MAN1A1: variants seen among roughly 807,000 people sequenced by gnomAD.
MAN1A1 encodes mannosyl-oligosaccharide 1,2-alpha-mannosidase IA.
A neutral mutation model predicts 70.8 loss-of-function variants in MAN1A1; 29 were observed. That is an observed-to-expected ratio of 0.41 (90% CI 0.31 to 0.56). The LOEUF (loss-of-function observed/expected upper bound fraction) is 0.56. Ranked by LOEUF, MAN1A1 falls within the 20% of genes least tolerant of loss-of-function variation. The probability of loss-of-function intolerance (pLI) is 0.29; values close to 1 mark genes in which losing one functional copy is unlikely to be tolerated. For synonymous variants in MAN1A1, 349 were observed against 330.1 expected, an observed-to-expected ratio of 1.06 and a Z score of -0.62; for missense variants, 747 against 841.3, an observed-to-expected ratio of 0.89 and a Z score of 1.39.
intron 8 of MAN1A1, among the ~76,000 whole-genome samples, chr6:119,195,216 T>C (rs1329148668): frequency 1.3e-5 from 2 of 152,194 alleles, no homozygotes; most frequent in East Asian, 3.8e-4. Flanking sequence ...GAGATCACCC[T>C]TTACTCGAAG....
chr6:119,343,971 A>G (rs990481942), intron 2 of MAN1A1, among the ~76,000 whole-genome samples: 3 of 152,222 alleles, frequency 2.0e-5, no homozygotes, highest in Non-Finnish European at 2.9e-5. Flanking sequence ...CACATGCTTA[A>G]AATTCTCTTC....
intron 8 of MAN1A1, among the ~76,000 whole-genome samples, 169 bp from the exon 9 acceptor site, chr6:119,194,061 TG>T (rs1459409490): frequency 2.6e-5 from 4 of 152,348 alleles, no homozygotes; most frequent in African/African-American, 9.6e-5. Flanking sequence ...AATGAGCAGA[TG>T]GGCTATTAAC....
intron 7 of MAN1A1, 98 bp downstream of exon 7, chr6:119,204,661 T>C: frequency 2.1e-6 from 3 of 1,440,428 alleles, no homozygotes; most frequent in Non-Finnish European, 1.9e-6. Context: ...ACAAATTTGG[T>C]TATTATTTCC....
intron 6 of MAN1A1, among the ~76,000 whole-genome samples, chr6:119,214,747 C>G (rs567883446): frequency 2.0e-5 from 3 of 152,244 alleles, no homozygotes; most frequent in African/African-American, 7.2e-5. Context: ...CTCAAGTGAT[C>G]TGCCTGCCTT....
intron 6 of MAN1A1, among the ~76,000 whole-genome samples, chr6:119,237,711 C>A (rs1035471845): frequency 2.0e-5 from 3 of 152,138 alleles, no homozygotes; most frequent in Admixed American, 6.5e-5. Flanking sequence ...AAATATTGCT[C>A]AGCTCCTCAA....
intron 5 of MAN1A1, among the ~76,000 whole-genome samples, chr6:119,262,892 T>C (rs2114357075): frequency 6.6e-6 from 1 of 152,306 alleles, no homozygotes; most frequent in East Asian, 1.9e-4. Flanking sequence ...TGTGTGGGTG[T>C]TGCCAAAAGA....
intron 2 of MAN1A1, among the ~76,000 whole-genome samples, chr6:119,323,612 C>T (rs1472487736): frequency 1.3e-5 from 2 of 152,106 alleles, no homozygotes; most frequent in East Asian, 3.9e-4. Flanking sequence ...TGGGAATGTG[C>T]CCAGGTTCTT....
intron 4 of MAN1A1, among the ~76,000 whole-genome samples, chr6:119,299,767 A>G (rs1433426900): frequency 2.0e-5 from 3 of 152,154 alleles, no homozygotes; most frequent in African/African-American, 4.8e-5. Context: ...GGACCCATGG[A>G]ACACATTCAA....
rs570907892 is a variant in MAN1A1 at position 119,291,820 on chromosome 6, T to C, written c.817-1057A>G. 7.2e-5 allele frequency among the ~76,000 whole-genome samples: 11 copies of C among 152,162 alleles called. No individual in the cohort carries two copies. In the South Asian group the frequency reaches 1.5e-3, roughly 20 times the overall value. On this transcript the variant is annotated intron_variant, in intron 4 of 12. Transcript: ENST00000368468. Reference sequence around the variant, plus strand: ...TCATGTATGTTATACCATGCTGAAATAGCCCTTATTTACACCAATAATAGC... The same window carrying C: ...TCATGTATGTTATACCATGCTGAAACAGCCCTTATTTACACCAATAATAGC...
intron 6 of MAN1A1, among the ~76,000 whole-genome samples, chr6:119,243,902 GCACACACTGTAGACAGCTCTA>G (rs2114313349): frequency 6.6e-6 from 1 of 152,062 alleles, no homozygotes; most frequent in Non-Finnish European, 1.5e-5. Flanking sequence ...TGCAATAAAA[GCACACACTGTAGACAGCTCTA>G]CTAAATGTAA....
At chr6:119,244,240 C>T (rs549692730) in intron 6 of MAN1A1, among the ~76,000 whole-genome samples, 2 of 152,108 alleles carry the variant, frequency 1.3e-5, no homozygotes, top group South Asian at 2.1e-4. Context: ...AAAGCATAGG[C>T]CTCTTGCTAA....
At chr6:119,236,365 C>T (rs1384698378) in intron 6 of MAN1A1, among the ~76,000 whole-genome samples, 1 of 152,080 alleles carries the variant, frequency 6.6e-6, no homozygotes, top group Non-Finnish European at 1.5e-5. Context: ...AGGAGATTAA[C>T]GTTTTCATGC....
chr6:119,311,701 C>T (rs1772705342), intron 2 of MAN1A1, among the ~76,000 whole-genome samples: 1 of 151,958 alleles, frequency 6.6e-6, no homozygotes, highest in African/African-American at 2.4e-5. Flanking sequence ...AAAGGAACTC[C>T]CAAGGGAGAG....
intron 11 of MAN1A1, among the ~76,000 whole-genome samples, chr6:119,185,045 A>G (rs981862921): frequency 6.6e-6 from 1 of 152,088 alleles, no homozygotes; most frequent in Non-Finnish European, 1.5e-5. Flanking sequence ...GTGTGCCAGC[A>G]TGACGGGCTA....
chr6:119,348,732 C>T lies in MAN1A1; in HGVS notation c.334G>A (p.Asp112Asn), dbSNP rs770389019. Residue 112 changes from aspartate to asparagine, a missense_variant, in exon 2 of 13, where the codon GAC becomes AAC. Physicochemically the swap from Asp to Asn is conservative, Grantham distance 23. Transcript: ENST00000368468. ...ARRREEGAPGDPEAALEDNLA... is the reference protein window; with the variant it reads ...ARRREEGAPGNPEAALEDNLA... ...TTGTCCTCCAGGGCGGCCTCCGGGT[C>T]CCCGGGTGCCCCCTCCTCGCGGCGC... 2.5e-6 allele frequency: 4 copies of T among 1,570,760 alleles called. No individual in the cohort carries two copies. Among genetic ancestry groups the T allele is most frequent in the African/African-American group, 2.8e-5 (2 of 71,526 alleles).
intron 6 of MAN1A1, among the ~76,000 whole-genome samples, chr6:119,240,914 C>T (rs1329739145): frequency 6.6e-6 from 1 of 152,184 alleles, no homozygotes; most frequent in African/African-American, 2.4e-5. Flanking sequence ...CTGTTCCCTC[C>T]TGCTCATCTG....
chr6:119,181,876 T>G (rs911535128), intron 11 of MAN1A1, among the ~76,000 whole-genome samples: 1 of 152,240 alleles, frequency 6.6e-6, no homozygotes, highest in African/African-American at 2.4e-5. Context: ...ATACACATCA[T>G]CTTCTGTGGA....
Position 119,314,640 on chromosome 6 carries a change from T to C in MAN1A1, c.604-7648A>G, listed in dbSNP as rs542546330. Reference sequence around the variant, plus strand: ...GCTGCTTGCAAACCTCAGACAGTCATCTGAGGCCTCTGAGCCCTCCTGCTC... The same window carrying C: ...GCTGCTTGCAAACCTCAGACAGTCACCTGAGGCCTCTGAGCCCTCCTGCTC... On this transcript the variant is annotated intron_variant, in intron 2 of 12. Coordinates refer to ENST00000368468, the MANE Select transcript of MAN1A1 (RefSeq NM_005907.4). Among the ~76,000 whole-genome samples the C allele has an allele frequency of 1.0e-3, 156 of 152,230 alleles. 1 individual carries two copies. Among genetic ancestry groups the C allele is most frequent in the Non-Finnish European group, 2.0e-3 (139 of 67,996 alleles).
intron 6 of MAN1A1, among the ~76,000 whole-genome samples, chr6:119,229,836 G>A (rs1774628331): frequency 1.3e-5 from 2 of 152,172 alleles, no homozygotes; most frequent in Non-Finnish European, 2.9e-5. Flanking sequence ...ATTCTAAGCT[G>A]TAGCAATTGT....
Sources: allele counts gnomAD v4.1 joint callset (sites outside exome capture counted in the v4.1 genomes callset), GRCh38; gene constraint gnomAD v4.1.1; transcripts MANE v1.5; gene names NCBI Gene and HGNC (gene_info 2026-07-23, HGNC 2026-07-21).